The following ZBTB20 variants were observed in gnomAD, a reference collection of about 807,000 sequenced individuals.
ZBTB20 encodes the protein zinc finger and BTB domain-containing protein 20.
Under a neutral mutation model 56.9 loss-of-function variants are expected in ZBTB20, and 9 were observed. That is an observed-to-expected ratio of 0.16 (90% confidence interval 0.10 to 0.28). The LOEUF (loss-of-function observed/expected upper bound fraction) is 0.28. ZBTB20 is among the 10% of genes least tolerant of loss of function. The pLI, the probability that ZBTB20 is intolerant of heterozygous loss-of-function variation, is 1.00. For missense variants in ZBTB20, 655 were observed against 1,003.0 expected, an observed-to-expected ratio of 0.65 and a Z score of 4.69; for synonymous variants, 417 against 420.7, an observed-to-expected ratio of 0.99 and a Z score of 0.11.
intron 3 of ZBTB20, among the ~76,000 whole-genome samples, chr3:114,913,173 T>C (rs1055948081): frequency 1.3e-5 from 2 of 152,082 alleles, no homozygotes; most frequent in Admixed American, 6.6e-5. Flanking sequence ...TTCTCCATAG[T>C]ACTTATACTT....
chr3:114,744,382 T>G (rs1329368508), intron 5 of ZBTB20, among the ~76,000 whole-genome samples: 1 of 152,208 alleles, frequency 6.6e-6, no homozygotes, highest in Non-Finnish European at 1.5e-5. Context: ...TCACTAAAAT[T>G]ACAGACTTCT....
intron 11 of ZBTB20, among the ~76,000 whole-genome samples, chr3:114,341,667 T>A (rs1181622333): frequency 6.6e-6 from 1 of 152,228 alleles, no homozygotes; most frequent in Non-Finnish European, 1.5e-5. Flanking sequence ...ATAGCATATA[T>A]AGGTATGTTG....
In ZBTB20 at chr3:114,350,499, T is replaced by C. The variant is rs774043514; in HGVS notation, c.1579A>G (p.Ser527Gly). Residue 527 changes from serine to glycine, a missense_variant, in exon 11 of 12, where the codon AGC (serine) becomes GGC (glycine). By Grantham distance (56) the Ser-to-Gly change is moderately conservative. Around this residue, in one of 10 missense-constraint regions of ZBTB20, gnomAD observed 71 missense variants for 89.4 expected, o/e 0.79. Coordinates refer to ENST00000675478, the MANE Select transcript of ZBTB20 (RefSeq NM_001348800.3). ...AGSGPKPFLF[S>G]LPQPLAGQQT... The stretch of plus-strand genomic sequence containing the variant: ...TGGCCTGCCAGGGGCTGTGGCAGGC[T>C]GAAGAGGAAAGGCTTGGGGCCACTG... 1 of 1,614,044 alleles carries C rather than the reference T, an allele frequency of 6.2e-7. No individual in the cohort carries two copies. The highest frequency in any genetic ancestry group is 1.7e-5 in the Admixed American group (1 of 60,018).
At chr3:115,078,630 T>C (rs998857416) in intron 1 of ZBTB20, among the ~76,000 whole-genome samples, 1 of 149,152 alleles carries the variant, frequency 6.7e-6, no homozygotes, top group Non-Finnish European at 1.5e-5. Context: ...TATATATATA[T>C]ATATATATAT....
intron 7 of ZBTB20, chr3:114,454,637 C>G (rs1398358514): frequency 6.6e-6 from 1 of 151,920 alleles, no homozygotes; most frequent in Non-Finnish European, 1.5e-5. Context: ...GAACTGTTTC[C>G]TTCCAAATTT....
intron 7 of ZBTB20, among the ~76,000 whole-genome samples, chr3:114,454,212 A>AGAGAC (rs1553717402): frequency 1.4e-5 from 1 of 71,764 alleles, no homozygotes; most frequent in Non-Finnish European, 2.5e-5. Flanking sequence ...GAGAGAGAGA[A>AGAGAC]ATTGGAGCTT....
chr3:115,088,879 A>G (rs2083087392), intron 1 of ZBTB20, among the ~76,000 whole-genome samples: 2 of 152,058 alleles, frequency 1.3e-5, no homozygotes, highest in East Asian at 1.9e-4. Flanking sequence ...ACAGCGTGTC[A>G]TAATAGGTAA....
chr3:114,639,239 T>C (rs1295039931), intron 6 of ZBTB20, among the ~76,000 whole-genome samples: 1 of 152,054 alleles, frequency 6.6e-6, no homozygotes, highest in Non-Finnish European at 1.5e-5. Flanking sequence ...TGGGTCATTT[T>C]AGGTTAGTGA....
intron 6 of ZBTB20, among the ~76,000 whole-genome samples, chr3:114,654,248 AT>A (rs1271691159): frequency 1.3e-5 from 2 of 151,856 alleles, no homozygotes; most frequent in Admixed American, 1.3e-4. Context: ...AAAGCTCAAA[AT>A]TTCTGCTAAG....
intron 6 of ZBTB20, among the ~76,000 whole-genome samples, chr3:114,555,552 C>T (rs142084086): frequency 0.011 from 1,679 of 152,190 alleles, 22 homozygotes; most frequent in South Asian, 0.031. Context: ...TCCTCACTGT[C>T]CACATGAGTA....
At chr3:114,421,696 T>G (rs2089188876) in intron 7 of ZBTB20, among the ~76,000 whole-genome samples, 1 of 152,110 alleles carries the variant, frequency 6.6e-6, no homozygotes, top group African/African-American at 2.4e-5. Context: ...GCCATAAAAA[T>G]GTACTCCTGA....
chr3:114,485,972 A>T (rs182017425), intron 7 of ZBTB20, among the ~76,000 whole-genome samples: 1 of 152,138 alleles, frequency 6.6e-6, no homozygotes, highest in Admixed American at 6.5e-5. Flanking sequence ...CATTTATTTG[A>T]CATTTAAATG....
chr3:114,860,176 G>T (rs551402985), intron 4 of ZBTB20, among the ~76,000 whole-genome samples: 1 of 151,988 alleles, frequency 6.6e-6, no homozygotes, highest in Non-Finnish European at 1.5e-5. Context: ...GCTTGTTGGC[G>T]TGTGACTGTA....
chr3:115,014,641 T>C (rs558522814), intron 2 of ZBTB20, among the ~76,000 whole-genome samples: 2 of 151,830 alleles, frequency 1.3e-5, no homozygotes, highest in Non-Finnish European at 2.9e-5. Flanking sequence ...CCTAGGCTCT[T>C]AGTCTGCTAG....
rs903448479 is a variant in ZBTB20 at position 115,020,620 on chromosome 3, T to A, written c.-506-46204A>T. On this transcript the variant is annotated intron_variant, in intron 2 of 11. Transcript: ENST00000675478. ...TGTCTTTTTTGAGGATGATAAAAGA[T>A]AAAATCTAGAGACTTTATTGTACTG... Among the ~76,000 whole-genome samples, 56 of 151,014 alleles carry A rather than the reference T, an allele frequency of 3.7e-4. 1 individual carries two copies. Among genetic ancestry groups the A allele is most frequent in the African/African-American group, 1.4e-3 (56 of 41,292 alleles).
At chr3:114,906,539 T>C (rs1030623545) in intron 3 of ZBTB20, among the ~76,000 whole-genome samples, 1 of 151,158 alleles carries the variant, frequency 6.6e-6, no homozygotes, top group Non-Finnish European at 1.5e-5. Flanking sequence ...ATTAATCATA[T>C]TTAAAATGAG....
chr3:114,444,997 T>C (rs574211845), intron 7 of ZBTB20, among the ~76,000 whole-genome samples: 4 of 152,300 alleles, frequency 2.6e-5, no homozygotes, highest in South Asian at 2.1e-4. Context: ...CTCACCCATA[T>C]TGAGATATCT....
At chr3:114,661,653 A>C (rs1487200930) in intron 6 of ZBTB20, among the ~76,000 whole-genome samples, 2 of 152,110 alleles carry the variant, frequency 1.3e-5, no homozygotes, top group East Asian at 3.9e-4. Flanking sequence ...ACCACAGCAC[A>C]TTTATAAATC....
intron 3 of ZBTB20, among the ~76,000 whole-genome samples, chr3:114,971,176 C>T (rs973007796): frequency 2.6e-5 from 4 of 152,088 alleles, no homozygotes; most frequent in African/African-American, 9.7e-5. Context: ...TATTCTAACG[C>T]TGTTTATTTT....
Sources: allele counts gnomAD v4.1 joint callset (sites outside exome capture counted in the v4.1 genomes callset), GRCh38; gene constraint gnomAD v4.1.1; regional missense constraint gnomAD v4.1.1; transcripts MANE v1.5; gene names NCBI Gene and HGNC (gene_info 2026-07-23, HGNC 2026-07-21).